UNC93A: variants seen among roughly 807,000 people sequenced by gnomAD.
The protein encoded by UNC93A is unc-93 homolog A, also known as N-acetylglucosamine transporter UNC93A.
A neutral mutation model predicts 47.5 loss-of-function variants in UNC93A; 43 were observed. The ratio of observed to expected loss-of-function variants is 0.91; its 90% CI spans 0.71 to 1.17. The LOEUF (loss-of-function observed/expected upper bound fraction) is 1.17, where lower values mean the gene tolerates loss of function less well. Ranked by LOEUF, UNC93A falls within the 50% of genes most tolerant of loss-of-function variation. The pLI is 0.00. For synonymous variants in UNC93A, 280 were observed against 258.0 expected, an observed-to-expected ratio of 1.09 and a Z score of -0.82; for missense variants, 605 against 577.6, an observed-to-expected ratio of 1.05 and a Z score of -0.49.
intron 7 of UNC93A, among the ~76,000 whole-genome samples, chr6:167,314,948 T>C (rs1195198151): frequency 6.6e-6 from 1 of 152,202 alleles, no homozygotes; most frequent in African/African-American, 2.4e-5. Flanking sequence ...CTCCTGAGGC[T>C]GTGTCACGGG....
chr6:167,281,373 C>T (rs985456137), intron 1 of UNC93A, among the ~76,000 whole-genome samples: 1 of 152,184 alleles, frequency 6.6e-6, no homozygotes, highest in Non-Finnish European at 1.5e-5. Context: ...GTCATACATG[C>T]CCTCCCTGGC....
intron 1 of UNC93A, among the ~76,000 whole-genome samples, chr6:167,280,599 C>T (rs542763257): frequency 1.3e-5 from 2 of 152,046 alleles, no homozygotes; most frequent in African/African-American, 4.8e-5. Flanking sequence ...ACAGAGAGCC[C>T]CGAGGCCGCT....
At chr6:167,312,550 C>T (rs1330980269) in intron 7 of UNC93A, among the ~76,000 whole-genome samples, 6 of 152,194 alleles carry the variant, frequency 3.9e-5, no homozygotes, top group Admixed American at 2.6e-4. Context: ...CACCATCCAA[C>T]ACCACATTAT....
chr6:167,271,779 G>A (rs1455962536), intron 1 of UNC93A, among the ~76,000 whole-genome samples: 2 of 152,126 alleles, frequency 1.3e-5, no homozygotes, highest in Non-Finnish European at 2.9e-5. Context: ...TCACTCCAAG[G>A]GTTTATTAGA....
chr6:167,279,068 G>A (rs1047660071), intron 1 of UNC93A, among the ~76,000 whole-genome samples: 1 of 152,232 alleles, frequency 6.6e-6, no homozygotes, highest in African/African-American at 2.4e-5. Flanking sequence ...ATTAAAAGAA[G>A]TTAAAAATAG....
intron 3 of UNC93A, among the ~76,000 whole-genome samples, chr6:167,296,863 C>G (rs1470102929): frequency 1.3e-5 from 2 of 152,200 alleles, no homozygotes; most frequent in Non-Finnish European, 2.9e-5. Flanking sequence ...TACAGGAAAA[C>G]TTTCCCAACG....
chr6:167,273,216 G>A (rs1254629805), intron 1 of UNC93A, among the ~76,000 whole-genome samples: 4 of 152,114 alleles, frequency 2.6e-5, no homozygotes, highest in African/African-American at 9.7e-5. Flanking sequence ...GCTTGTGCAC[G>A]CTGGGTCAGG....
At chr6:167,276,524 G>T (rs551545122) in intron 1 of UNC93A, among the ~76,000 whole-genome samples, 2 of 152,206 alleles carry the variant, frequency 1.3e-5, no homozygotes, top group African/African-American at 4.8e-5. Context: ...CACTTTAGGG[G>T]CAAGAGATGT....
intron 1 of UNC93A, among the ~76,000 whole-genome samples, chr6:167,292,306 G>A (rs115120790): frequency 6.6e-5 from 10 of 152,258 alleles, no homozygotes; most frequent in Admixed American, 3.3e-4. Flanking sequence ...GCCTGGTGTG[G>A]TCACATAAAA....
intron 1 of UNC93A, among the ~76,000 whole-genome samples, chr6:167,278,024 C>T (rs1783572280): frequency 6.6e-6 from 1 of 152,176 alleles, no homozygotes; most frequent in African/African-American, 2.4e-5. Flanking sequence ...ATCCTCTACC[C>T]ACCCCAGGGA....
chr6:167,309,958 C>T (rs1440552347), intron 7 of UNC93A, among the ~76,000 whole-genome samples: 1 of 152,130 alleles, frequency 6.6e-6, no homozygotes, highest in Admixed American at 6.5e-5. Context: ...GACCCGAGGC[C>T]AGGCCGGGGC....
chr6:167,269,544 C>A (rs896571752), upstream of UNC93A, among the ~76,000 whole-genome samples: 5 of 152,088 alleles, frequency 3.3e-5, no homozygotes, highest in Admixed American at 2.6e-4. Flanking sequence ...GGGAAAGAGA[C>A]TGCAGAGGGA....
chr6:167,291,621 A>G, intron 1 of UNC93A, 45 bp downstream of exon 1: 1 of 1,549,998 alleles, frequency 6.5e-7, no homozygotes, highest in Non-Finnish European at 8.8e-7. Flanking sequence ...CTTGGCCTCC[A>G]AGAATCCCTG....
chr6:167,282,976 G>A (rs1180541521), intron 1 of UNC93A, among the ~76,000 whole-genome samples: 1 of 152,120 alleles, frequency 6.6e-6, no homozygotes, highest in African/African-American at 2.4e-5. Flanking sequence ...TCAGGTAAGG[G>A]GTTGTGAAGA....
rs142686381 is a variant in UNC93A at position 167,303,708 on chromosome 6, C to T, written c.626-211C>T. ...ATTGTGGCAGGTTTCATGTGAAAGCCGGTAAGTCTTGAGGTAATCAGAGAA... is the reference window on the plus strand; with the variant it reads ...ATTGTGGCAGGTTTCATGTGAAAGCTGGTAAGTCTTGAGGTAATCAGAGAA... On this transcript the variant is annotated intron_variant, in intron 4 of 7. Transcript: ENST00000230256. Among the ~76,000 whole-genome samples, 883 of 152,034 alleles carry T rather than the reference C, an allele frequency of 5.8e-3. 5 individuals are homozygous for T. Among genetic ancestry groups the T allele is most frequent in the Middle Eastern group, 0.024 (7 of 294 alleles).
chr6:167,290,402 C>T (rs111518564), upstream of UNC93A, among the ~76,000 whole-genome samples: 436 of 152,304 alleles, frequency 2.9e-3, no homozygotes, highest in African/African-American at 3.7e-3. Context: ...GCTAGACTTA[C>T]CTGCGAGATT....
chr6:167,283,790 G>A (rs1783674259), intron 1 of UNC93A, among the ~76,000 whole-genome samples: 2 of 152,060 alleles, frequency 1.3e-5, no homozygotes, highest in South Asian at 4.2e-4. Context: ...ACTACTCAAT[G>A]GTTAAAAGAG....
At chr6:167,280,249 C>T (rs932441393) in intron 1 of UNC93A, among the ~76,000 whole-genome samples, 1 of 152,150 alleles carries the variant, frequency 6.6e-6, no homozygotes, top group Non-Finnish European at 1.5e-5. Context: ...CTGCAGGCTC[C>T]CCGTGAGCTC....
intron 4 of UNC93A, 113 bp downstream of exon 4, chr6:167,298,183 A>T (rs1224699531): frequency 6.9e-7 from 1 of 1,458,888 alleles, no homozygotes; most frequent in Non-Finnish European, 9.1e-7. Context: ...CTTCTTCTGA[A>T]ATATCCTTGC....
Sources: gnomAD v4.1 joint callset for allele counts (sites outside exome capture counted in the v4.1 genomes callset) on GRCh38, gnomAD v4.1.1 for gene constraint, MANE v1.5 for transcripts, NCBI Gene and HGNC (gene_info 2026-07-23, HGNC 2026-07-21) for gene names.